The following CCDC85A variants were observed in gnomAD, a reference collection of about 807,000 sequenced individuals.
The protein encoded by CCDC85A is coiled-coil domain-containing protein 85A.
Under a neutral mutation model 50.2 loss-of-function variants are expected in CCDC85A, and 38 were observed. That is an observed-to-expected ratio of 0.76 (90% CI 0.58 to 0.99). The LOEUF is 0.99. Ranked by LOEUF, CCDC85A falls within the 50% of genes least tolerant of loss-of-function variation. CCDC85A has a pLI of 0.00. For missense variants in CCDC85A, 820 were observed against 742.0 expected (o/e 1.11, Z -1.22); for synonymous variants, 366 against 301.4 (o/e 1.21, Z -2.22).
At chr2:56,384,209 A>G in intron 5 of CCDC85A, 57 bp from the exon 6 acceptor site, 1 of 1,500,566 alleles carries the variant, frequency 6.7e-7, no homozygotes, top group Non-Finnish European at 9.2e-7. Flanking sequence ...TAAGAAATGC[A>G]AATCTCCTTG....
intron 2 of CCDC85A, among the ~76,000 whole-genome samples, chr2:56,278,401 C>G (rs933203709): frequency 5.9e-5 from 9 of 152,028 alleles, no homozygotes; most frequent in African/African-American, 2.2e-4. Flanking sequence ...ATATCTCATG[C>G]ATGTCCCAGA....
intron 2 of CCDC85A, among the ~76,000 whole-genome samples, chr2:56,280,947 A>G (rs13392111): frequency 0.18 from 27,019 of 152,042 alleles, 3,284 homozygotes; most frequent in African/African-American, 0.33. Flanking sequence ...TACTTTTTTT[A>G]GGTGAAATTT....
intron 3 of CCDC85A, among the ~76,000 whole-genome samples, chr2:56,351,028 G>C (rs1210405483): frequency 2.2e-5 from 2 of 90,432 alleles, no homozygotes; most frequent in Non-Finnish European, 1.9e-5. Flanking sequence ...ACAGTCCCCA[G>C]AGTGTGATGT....
At chr2:56,214,312 C>T (rs1209128393) in intron 2 of CCDC85A, among the ~76,000 whole-genome samples, 1 of 151,848 alleles carries the variant, frequency 6.6e-6, no homozygotes, top group East Asian at 1.9e-4. Context: ...AGTCAATAGT[C>T]AATGTGTGTA....
chr2:56,237,709 T>A (rs1321356474), intron 2 of CCDC85A, among the ~76,000 whole-genome samples: 1 of 151,348 alleles, frequency 6.6e-6, no homozygotes, highest in Admixed American at 6.6e-5. Flanking sequence ...CTGGAGCTCT[T>A]AACTGTGATG....
chr2:56,368,255 A>G (rs143050834), intron 3 of CCDC85A, among the ~76,000 whole-genome samples: 1 of 152,274 alleles, frequency 6.6e-6, no homozygotes, highest in East Asian at 1.9e-4. Flanking sequence ...TTTGGATATA[A>G]CCGACTAAAT....
At chr2:56,259,271 A>G (rs1573117980) in intron 2 of CCDC85A, among the ~76,000 whole-genome samples, 1 of 152,154 alleles carries the variant, frequency 6.6e-6, no homozygotes, top group Admixed American at 6.5e-5. Context: ...TGATTGCCTC[A>G]CCATCCATAT....
At position 56,322,982 on chromosome 2, in the gene CCDC85A, A is replaced by C. The variant is rs553587179; in HGVS notation, c.1241-19897A>C. 3.3e-5 allele frequency among the ~76,000 whole-genome samples: 5 copies of C among 152,302 alleles called. No individual in the cohort carries two copies. In the South Asian group the frequency reaches 1.0e-3, roughly 32 times the overall value. ...TGCAGCCATAAAAAAGGATGAGTTCATGTCCTTTATACGGATATGGATGAA... is the reference window on the plus strand; with the variant it reads ...TGCAGCCATAAAAAAGGATGAGTTCCTGTCCTTTATACGGATATGGATGAA... On this transcript the variant is annotated intron_variant, in intron 2 of 5. Coordinates refer to ENST00000407595, the MANE Select transcript of CCDC85A (RefSeq NM_001080433.2).
intron 2 of CCDC85A, among the ~76,000 whole-genome samples, chr2:56,296,305 C>G (rs1407936566): frequency 1.3e-5 from 2 of 152,074 alleles, no homozygotes. Context: ...TCTTTTTGCC[C>G]TACTGTGCCA....
At chr2:56,268,043 A>G (rs1407250551) in intron 2 of CCDC85A, among the ~76,000 whole-genome samples, 1 of 152,210 alleles carries the variant, frequency 6.6e-6, no homozygotes, top group African/African-American at 2.4e-5. Context: ...TTATACATAA[A>G]TGAAAGAAAA....
At chr2:56,233,619 T>A (rs1300791269) in intron 2 of CCDC85A, among the ~76,000 whole-genome samples, 3 of 152,164 alleles carry the variant, frequency 2.0e-5, no homozygotes, top group South Asian at 4.1e-4. Flanking sequence ...TAAAAAAAAA[T>A]TAACCATTCT....
At chr2:56,292,050 C>T (rs1671735722) in intron 2 of CCDC85A, among the ~76,000 whole-genome samples, 1 of 152,104 alleles carries the variant, frequency 6.6e-6, no homozygotes, top group Non-Finnish European at 1.5e-5. Context: ...ATTATTGCAT[C>T]ACAGGCACAT....
At chr2:56,350,569 T>C (rs958280057) in intron 3 of CCDC85A, among the ~76,000 whole-genome samples, 28 of 152,254 alleles carry the variant, frequency 1.8e-4, no homozygotes, top group African/African-American at 6.0e-4. Context: ...GAAATGTGGA[T>C]ATCAAAAAAG....
intron 2 of CCDC85A, among the ~76,000 whole-genome samples, chr2:56,228,760 C>G (rs1228851022): frequency 6.6e-6 from 1 of 152,126 alleles, no homozygotes; most frequent in Non-Finnish European, 1.5e-5. Flanking sequence ...CTCTCAATCT[C>G]CTGACCTAGT....
At chr2:56,230,179 T>C (rs1220991525) in intron 2 of CCDC85A, among the ~76,000 whole-genome samples, 1 of 152,168 alleles carries the variant, frequency 6.6e-6, no homozygotes, top group African/African-American at 2.4e-5. Context: ...GTTTTGAACA[T>C]TTTCTTGAGG....
At chr2:56,378,308 T>TA (rs1553420513) in intron 5 of CCDC85A, among the ~76,000 whole-genome samples, 5 of 151,960 alleles carry the variant, frequency 3.3e-5, no homozygotes, top group African/African-American at 1.2e-4. Flanking sequence ...TCATGGTTTG[T>TA]GGGAAATGTA....
At chr2:56,211,868 C>T (rs1289113923) in intron 2 of CCDC85A, among the ~76,000 whole-genome samples, 1 of 152,012 alleles carries the variant, frequency 6.6e-6, no homozygotes, top group Non-Finnish European at 1.5e-5. Flanking sequence ...TAATATCTCC[C>T]ATATTCCAAA....
At chr2:56,336,706 T>C (rs919448678) in intron 2 of CCDC85A, among the ~76,000 whole-genome samples, 8 of 152,156 alleles carry the variant, frequency 5.3e-5, no homozygotes, top group African/African-American at 1.7e-4. Context: ...AAAAGGGAAG[T>C]AAAGAGGGTT....
intron 2 of CCDC85A, among the ~76,000 whole-genome samples, chr2:56,241,300 A>G (rs1669246333): frequency 6.6e-6 from 1 of 152,150 alleles, no homozygotes; most frequent in Non-Finnish European, 1.5e-5. Flanking sequence ...CATCACTTCA[A>G]GCATTTATCG....
Sources: gnomAD v4.1 joint callset for allele counts (sites outside exome capture counted in the v4.1 genomes callset) on GRCh38, gnomAD v4.1.1 for gene constraint, MANE v1.5 for transcripts, NCBI Gene and HGNC (gene_info 2026-07-23, HGNC 2026-07-21) for gene names.